ZNF20: variants seen among roughly 807,000 people sequenced by gnomAD.
ZNF20 encodes zinc finger protein KOX13.
ZNF20 carries 9 observed loss-of-function variants against 11.0 expected under a neutral mutation model. The observed-to-expected ratio is 0.82, with a 90% CI of 0.49 to 1.43. The LOEUF is 1.43. Among genes scored for constraint, ZNF20 ranks in the 40% most tolerant of loss-of-function variants. The pLI, the probability that ZNF20 is intolerant of heterozygous loss-of-function variation, is 0.00. For synonymous variants in ZNF20, 182 were observed against 213.0 expected (o/e 0.85, Z 1.27); for missense variants, 528 against 640.8 (o/e 0.82, Z 1.90).
Position 12,133,864 on chromosome 19 carries a change from T to C in ZNF20, c.322A>G (p.Ser108Gly), listed in dbSNP as rs1301181997. The part of the protein sequence containing the change: ...TLPGITPCES[S>G]VCGEVGTGHS... ...CCCGTGCCAACTTCTCCACACACACTGCTTTCACATGGTGTTATTCCAGGA... is the reference window on the plus strand; with the variant it reads ...CCCGTGCCAACTTCTCCACACACACCGCTTTCACATGGTGTTATTCCAGGA... Residue 108 changes from serine to glycine, a missense_variant, in exon 4 of 4, where the codon AGT becomes GGT. Coordinates refer to ENST00000334213, the MANE Select transcript of ZNF20 (RefSeq NM_021143.4). 2.5e-6 allele frequency: 4 copies of C among 1,614,230 alleles called. No homozygotes were observed. The highest frequency in any genetic ancestry group is 3.4e-6 in the Non-Finnish European group (4 of 1,180,048).
Position 12,133,147 on chromosome 19 carries a change from C to G in ZNF20, c.1039G>C (p.Ala347Pro), listed in dbSNP as rs1448311195. ...TGAAGGTCCGAGGTACATCTGAAGG[C>G]TTTACCACATTGCCTACATTCATAG... The part of the protein sequence containing the change: ...KPYECRQCGK[A>P]FRCTSDLQRH... Residue 347 changes from alanine (A) to proline (P), a missense_variant, in exon 4 of 4, where the codon GCC (alanine) becomes CCC (proline). Transcript: ENST00000334213. 2 of 1,613,886 alleles carry G rather than the reference C, an allele frequency of 1.2e-6. No individual in the cohort carries two copies.
chr19:12,133,194 C>G lies in ZNF20; in HGVS notation c.992G>C (p.Arg331Thr), dbSNP rs955271175. The G allele has an allele frequency of 1.2e-6, 2 of 1,613,558 alleles. No individual in the cohort carries two copies. The highest frequency in any genetic ancestry group is 2.7e-5 in the African/African-American group (2 of 74,840). Residue 331 changes from arginine to threonine, a missense_variant, in exon 4 of 4, where the codon AGG (arginine) becomes ACG (threonine). Transcript: ENST00000334213. Reference sequence around the variant, plus strand: ...ATAGGGTTTCTCTCCAGTGTGAGTCCTTCCATGCTTTTGAAGGTGTGAGCC... The same window carrying G: ...ATAGGGTTTCTCTCCAGTGTGAGTCGTTCCATGCTTTTGAAGGTGTGAGCC... ...RCGSHLQKHG[R>T]THTGEKPYEC...
rs1436450998 is a variant in ZNF20 at position 12,132,587 on chromosome 19, T to G, written c.1599A>C (p.Ter533CysextTer37). 2 of 1,564,156 alleles carry G rather than the reference T, an allele frequency of 1.3e-6. No homozygotes were observed. Among genetic ancestry groups the G allele is most frequent in the Non-Finnish European group, 1.7e-6 (2 of 1,159,286 alleles). Residue 533 changes from the stop codon to cysteine, a stop_lost, in exon 4 of 4, where the codon TGA becomes TGC. Coordinates refer to ENST00000334213, the MANE Select transcript of ZNF20 (RefSeq NM_021143.4). ...CCGTTGCTTCCACTAAAAGGATTTC[T>G]CATCTATTAATGGTATGAGTTCTTT... ...EHERTHTINR[*>C]
rs1305367557 is a variant in ZNF20, at chr19:12,139,070, C to G, written c.3+1110G>C. The stretch of plus-strand genomic sequence containing the variant: ...TGTGTTTAGTGCTATAAGAAACTAC[C>G]TAAGGACACCAAAATCAAACTCAAA... On this transcript the variant is annotated intron_variant, in intron 1 of 3. Transcript: ENST00000334213. The surrounding 1 kb of genome is among the most constrained non-coding windows in gnomAD (Gnocchi z 4.0). 6.6e-5 allele frequency among the ~76,000 whole-genome samples: 10 copies of G among 152,128 alleles called. No homozygotes were observed. Among genetic ancestry groups the G allele is most frequent in the Admixed American group, 1.3e-4 (2 of 15,256 alleles).
rs763965858 is a variant in ZNF20 at position 12,132,551 on chromosome 19, G to C, written c.*36C>G. The C allele has an allele frequency of 6.5e-7, 1 of 1,529,726 alleles. No individual in the cohort carries two copies. The highest frequency in any genetic ancestry group is 2.3e-5 in the East Asian group (1 of 44,326). 94.8% of individuals were successfully genotyped at this position (1,529,726 alleles called of 1,614,324 possible). The stretch of plus-strand genomic sequence containing the variant: ...GTGTTTCAAAGGAAGTGGGACAACA[G>C]AAAGCTTCTCCCGTTGCTTCCACTA... On this transcript the variant is annotated 3_prime_UTR_variant, in exon 4 of 4. Transcript: ENST00000334213.
chr19:12,138,801 A>G (rs546595291), intron 1 of ZNF20, among the ~76,000 whole-genome samples: 3 of 151,672 alleles, frequency 2.0e-5, no homozygotes, highest in Non-Finnish European at 4.4e-5. Flanking sequence ...CCTGGGCAAC[A>G]AGAGCGAAAC....
rs1387719587 is a variant in ZNF20 at position 12,133,062 on chromosome 19, C to G, written c.1124G>C (p.Gly375Ala). ...KPYGCKQCGK[G>A]FRCASQLQIH... ...TTGAAGTTGTGAAGCACATCTAAAGCCTTTCCCACACTGCTTACATCCATA... is the reference window on the plus strand; with the variant it reads ...TTGAAGTTGTGAAGCACATCTAAAGGCTTTCCCACACTGCTTACATCCATA... Residue 375 changes from glycine (G) to alanine (A), a missense_variant, in exon 4 of 4, where the codon GGC becomes GCC. Gly to Ala is a moderately conservative substitution (Grantham distance 60, BLOSUM62 0). Transcript: ENST00000334213. The G allele has an allele frequency of 6.2e-7, 1 of 1,614,004 alleles. No homozygotes were observed. The highest frequency in any genetic ancestry group is 1.1e-5 in the South Asian group (1 of 91,080).
chr19:12,133,810 C>T lies in ZNF20; in HGVS notation c.376G>A (p.Ala126Thr), dbSNP rs1568383255. The change falls in exon 4 of 4, where the codon GCT becomes ACT. Residue 126 changes from alanine (A) to threonine (T), a missense_variant. Transcript: ENST00000334213. ...TCAGATGACTTGTGTCCAGTGTCAG[C>T]TCTGATATGCGTATTAAGAGATGAA... Reference protein sequence around the residue: ...GHSSLNTHIRADTGHKSSEYQ... With the variant: ...GHSSLNTHIRTDTGHKSSEYQ... The T allele has an allele frequency of 6.2e-7, 1 of 1,614,206 alleles. No individual in the cohort carries two copies. The highest frequency in any genetic ancestry group is 8.5e-7 in the Non-Finnish European group (1 of 1,180,046).
At position 12,133,849 on chromosome 19, in the gene ZNF20, C is replaced by T. The variant is rs535420757; in HGVS notation, c.337G>A (p.Val113Ile). Residue 113 changes from valine to isoleucine, a missense_variant, in exon 4 of 4, where the codon GTT becomes ATT. Val to Ile is a conservative substitution (Grantham distance 29). Coordinates refer to ENST00000334213, the MANE Select transcript of ZNF20 (RefSeq NM_021143.4). ...TPCESSVCGE[V>I]GTGHSSLNTH... ...TTAAGAGATGAATGACCCGTGCCAA[C>T]TTCTCCACACACACTGCTTTCACAT... 3 of 1,614,228 alleles carry T rather than the reference C, an allele frequency of 1.9e-6. No homozygotes were observed. The South Asian group carries it at 3.3e-5, about 18-fold the overall frequency.
In ZNF20 at chr19:12,133,784, C is replaced by A. The variant is rs1976665213; in HGVS notation, c.402G>T (p.Glu134Asp). Residue 134 changes from glutamate (E) to aspartate (D), a missense_variant, in exon 4 of 4, where the codon GAG (glutamate) becomes GAT (aspartate). Coordinates refer to ENST00000334213, the MANE Select transcript of ZNF20 (RefSeq NM_021143.4). Reference protein sequence around the residue: ...IRADTGHKSSEYQEYGENPYR... With the variant: ...IRADTGHKSSDYQEYGENPYR... The stretch of plus-strand genomic sequence containing the variant: ...ATGGATTCTCTCCATATTCCTGATA[C>A]TCAGATGACTTGTGTCCAGTGTCAG... The A allele has an allele frequency of 6.8e-6, 11 of 1,614,066 alleles. No homozygotes were observed. The South Asian group carries it at 1.2e-4, about 18-fold the overall frequency.
intron 1 of ZNF20, among the ~76,000 whole-genome samples, chr19:12,136,177 G>C (rs549406144): frequency 1.3e-5 from 2 of 151,682 alleles, no homozygotes; most frequent in African/African-American, 4.8e-5. Context: ...AGGAGTTTGA[G>C]ACCAGCCTGG....
In ZNF20 at chr19:12,132,411, T is replaced by A; in HGVS notation, c.*176A>T. The A allele has an allele frequency of 1.6e-6, 1 of 641,388 alleles. No homozygotes were observed. The allele number at this position is 641,388 out of a possible 1,614,324, so 39.7% of individuals were successfully genotyped here. The stretch of plus-strand genomic sequence containing the variant: ...AATCTCATGCAAGATTGGCTATAGG[T>A]GAATTGTATTACGAAACCATCCAAG... On this transcript the variant is annotated 3_prime_UTR_variant, in exon 4 of 4. Coordinates refer to ENST00000334213, the MANE Select transcript of ZNF20 (RefSeq NM_021143.4).
chr19:12,135,687 A>G, intron 2 of ZNF20, 82 bp downstream of exon 2: 1 of 1,595,728 alleles, frequency 6.3e-7, no homozygotes, highest in South Asian at 1.1e-5. Context: ...TTTTTTGTCC[A>G]TGTTCCAAAT....
At chr19:12,134,367 G>A (rs117852624) in intron 3 of ZNF20, among the ~76,000 whole-genome samples, 4,288 of 151,998 alleles carry the variant, frequency 0.028, 82 homozygotes, top group Non-Finnish European at 0.041. Context: ...TATTGGCTGG[G>A]TATGGTGGGT....
Position 12,132,525 on chromosome 19 carries a change from T to C in ZNF20, c.*62A>G, listed in dbSNP as rs1342830070. On this transcript the variant is annotated 3_prime_UTR_variant, in exon 4 of 4. Transcript: ENST00000334213. ...AGGTTCTTTCACCACTCTCTTTTCT[T>C]GTGTTTCAAAGGAAGTGGGACAACA... 3 of 1,485,862 alleles carry C rather than the reference T, an allele frequency of 2.0e-6. No homozygotes were observed. The highest frequency in any genetic ancestry group is 2.7e-6 in the Non-Finnish European group (3 of 1,108,644). The allele number at this position is 1,485,862 out of a possible 1,614,324, so 92.0% of individuals were successfully genotyped here. A position where few individuals can be genotyped will look rare whatever the true frequency, so the allele number is the denominator to read the frequency against.
In ZNF20 at chr19:12,140,048, G is replaced by A. The variant is rs368509985; in HGVS notation, c.3+132C>T. On this transcript the variant is annotated intron_variant, in intron 1 of 3. Coordinates refer to ENST00000334213, the MANE Select transcript of ZNF20 (RefSeq NM_021143.4). ...CCTGCGGCCGAGGGGACGCAGGGAC[G>A]AGCTGAGACAGAGGGATTCGGGTCC... 1.1e-3 allele frequency: 1,369 copies of A among 1,220,766 alleles called. 15 individuals carry two copies. Among genetic ancestry groups the A allele is most frequent in the South Asian group, 9.7e-3 (689 of 71,082 alleles). The allele number at this position is 1,220,766 out of a possible 1,614,324, so 75.6% of individuals were successfully genotyped here.
Position 12,133,155 on chromosome 19 carries a change from C to T in ZNF20, c.1031G>A (p.Cys344Tyr), listed in dbSNP as rs1183639748. The T allele has an allele frequency of 2.0e-5, 32 of 1,613,818 alleles. No individual in the cohort carries two copies. In the Admixed American group the frequency reaches 4.8e-4, roughly 24 times the overall value. Residue 344 changes from cysteine (C) to tyrosine (Y), a missense_variant, in exon 4 of 4, where the codon TGT becomes TAT. Physicochemically the swap from Cys to Tyr is radical, Grantham distance 194 (BLOSUM62 -2). Transcript: ENST00000334213. The part of the protein sequence containing the change: ...TGEKPYECRQ[C>Y]GKAFRCTSDL... ...CGAGGTACATCTGAAGGCTTTACCACATTGCCTACATTCATAGGGTTTCTC... is the reference window on the plus strand; with the variant it reads ...CGAGGTACATCTGAAGGCTTTACCATATTGCCTACATTCATAGGGTTTCTC...
At chr19:12,135,472 A>G in intron 3 of ZNF20, 28 bp downstream of exon 3, 2 of 1,611,062 alleles carry the variant, frequency 1.2e-6, no homozygotes, top group African/African-American at 1.3e-5. Context: ...TTCTAGAGGC[A>G]TTGCCTTGTC....
intron 3 of ZNF20, 76 bp downstream of exon 3, chr19:12,135,424 G>A (rs1331573265): frequency 6.8e-7 from 1 of 1,480,194 alleles, no homozygotes; most frequent in African/African-American, 1.4e-5. Context: ...ACAGGCGTGA[G>A]CCACTGTACC....
Sources: gnomAD v4.1 joint callset for allele counts (sites outside exome capture counted in the v4.1 genomes callset) on GRCh38, gnomAD v4.1.1 for gene constraint, Gnocchi (gnomAD v3.1) non-coding constraint, MANE v1.5 for transcripts, NCBI Gene and HGNC (gene_info 2026-07-23, HGNC 2026-07-21) for gene names.